Variants in ARL6 observed in about 807,000 individuals in gnomAD.
ARL6 encodes the protein ARF like GTPase 6.
A neutral mutation model predicts 27.1 loss-of-function variants in ARL6; 18 were observed. That is an observed-to-expected ratio of 0.66 (90% CI 0.46 to 0.98). The LOEUF (loss-of-function observed/expected upper bound fraction) is 0.98. Ranked by LOEUF, ARL6 falls within the 50% of genes least tolerant of loss-of-function variation. The pLI is 0.00. For synonymous variants in ARL6, 65 were observed against 72.3 expected (o/e 0.90, Z 0.51); for missense variants, 187 against 214.9 (o/e 0.87, Z 0.81).
At chr3:97,777,130 G>A (rs1421946911) in intron 2 of ARL6, among the ~76,000 whole-genome samples, 1 of 152,184 alleles carries the variant, frequency 6.6e-6, no homozygotes, top group African/African-American at 2.4e-5. Flanking sequence ...TGGATGAGTA[G>A]ATTGATGGAT....
intron 6 of ARL6, 127 bp downstream of exon 6, chr3:97,788,246 G>T: frequency 1.9e-6 from 2 of 1,044,576 alleles, no homozygotes; most frequent in South Asian, 1.6e-5. Flanking sequence ...TAAGGATTTT[G>T]TTTTGTAGAA....
In ARL6 at chr3:97,788,082, T is replaced by G. The variant is rs148745414; in HGVS notation, c.442T>G (p.Cys148Gly). Residue 148 changes from cysteine to glycine, a missense_variant, in exon 6 of 8, where the codon TGT (cysteine) becomes GGT (glycine). Cys to Gly is a radical substitution (Grantham distance 159, BLOSUM62 -3). Transcript: ENST00000463745. ...VTSVKVSQLL[C>G]LENIKDKPWH... The stretch of plus-strand genomic sequence containing the variant: ...ATCTGTAAAAGTGTCTCAGTTGCTG[T>G]GTTTAGAGAACATCAAAGATAAACC... 189 of 1,613,350 alleles carry G rather than the reference T, an allele frequency of 1.2e-4. No individual in the cohort carries two copies. The African/African-American group carries it at 2.3e-3, about 19-fold the overall frequency.
At chr3:97,791,060 AC>A (rs1177527174) in intron 6 of ARL6, among the ~76,000 whole-genome samples, 16 of 152,168 alleles carry the variant, frequency 1.1e-4, no homozygotes, top group African/African-American at 3.6e-4. Flanking sequence ...TTATGATTAT[AC>A]ATAAAATCTC....
intron 4 of ARL6, among the ~76,000 whole-genome samples, chr3:97,781,299 A>T (rs75074437): frequency 6.9e-6 from 1 of 144,936 alleles, no homozygotes; most frequent in African/African-American, 2.6e-5. Context: ...AGCATATGCA[A>T]GTCAAGTGCT....
chr3:97,792,654 G>T (rs1232636502), intron 7 of ARL6, among the ~76,000 whole-genome samples: 1 of 152,086 alleles, frequency 6.6e-6, no homozygotes, highest in Non-Finnish European at 1.5e-5. Context: ...TCATAGATTG[G>T]TACAGGCTTA....
In ARL6 at chr3:97,801,166, T is replaced by G. The variant is rs1049982532; in HGVS notation, c.*3117T>G. 1 of 152,220 alleles carries G rather than the reference T, an allele frequency of 6.6e-6. No individual in the cohort carries two copies. The highest frequency in any genetic ancestry group is 6.5e-5 in the Admixed American group (1 of 15,276). The allele number at this position is 152,220 out of a possible 1,614,324, so 9.4% of individuals were successfully genotyped here. ...TATTTCCTTTGTTCATGAAAATAAA[T>G]GACTGGTATTACAAGGTCACCTAAA... On this transcript the variant is annotated 3_prime_UTR_variant, in exon 8 of 8. Coordinates refer to ENST00000463745, the MANE Select transcript of ARL6 (RefSeq NM_001278293.3).
intron 6 of ARL6, 23 bp from the exon 7 acceptor site, chr3:97,791,748 G>T (rs1183570399): frequency 6.2e-7 from 1 of 1,611,418 alleles, no homozygotes; most frequent in Non-Finnish European, 8.5e-7. Flanking sequence ...AGATGGCTAT[G>T]TTTCTTATGG....
chr3:97,779,218 G>A (rs923962531), intron 2 of ARL6, among the ~76,000 whole-genome samples: 3 of 152,008 alleles, frequency 2.0e-5, no homozygotes, highest in African/African-American at 7.2e-5. Flanking sequence ...AGACATTTAG[G>A]CTTTCTGCAT....
At chr3:97,797,504 C>G (rs1019107099) in intron 7 of ARL6, among the ~76,000 whole-genome samples, 2 of 151,984 alleles carry the variant, frequency 1.3e-5, no homozygotes, top group Non-Finnish European at 2.9e-5. Context: ...TGCCTAGGAG[C>G]AGCATGGGAG....
At chr3:97,792,349 G>T (rs901128238) in intron 7 of ARL6, among the ~76,000 whole-genome samples, 1 of 152,110 alleles carries the variant, frequency 6.6e-6, no homozygotes, top group Non-Finnish European at 1.5e-5. Flanking sequence ...TGGATGTGGT[G>T]GTGTACACCT....
chr3:97,786,637 ATCT>A (rs895441023), intron 5 of ARL6, among the ~76,000 whole-genome samples: 10 of 152,176 alleles, frequency 6.6e-5, no homozygotes, highest in Non-Finnish European at 1.5e-4. Context: ...GCCATAAAAA[ATCT>A]TTGAATAGCA....
chr3:97,793,220 C>G (rs1000580058), intron 7 of ARL6, among the ~76,000 whole-genome samples: 24 of 152,158 alleles, frequency 1.6e-4, no homozygotes, highest in Non-Finnish European at 2.9e-5. Context: ...AAGGAACATT[C>G]AAGTCATATT....
At chr3:97,790,212 A>G (rs1246226453) in intron 6 of ARL6, among the ~76,000 whole-genome samples, 1 of 152,066 alleles carries the variant, frequency 6.6e-6, no homozygotes, top group Non-Finnish European at 1.5e-5. Flanking sequence ...TAAGAGAAAG[A>G]ATAGTGGGAG....
At chr3:97,779,347 G>A (rs1183938891) in intron 2 of ARL6, among the ~76,000 whole-genome samples, 4 of 152,088 alleles carry the variant, frequency 2.6e-5, no homozygotes, top group East Asian at 1.9e-4. Context: ...TCACTCCTGG[G>A]TCAGATGGCC....
At position 97,791,795 on chromosome 3, in the gene ARL6, AG is replaced by A. The variant is rs1402463567; in HGVS notation, c.506del (p.Gly169AlafsTer6). 14 of 1,613,670 alleles carry A rather than the reference AG, an allele frequency of 8.7e-6. No homozygotes were observed. Among genetic ancestry groups the A allele is most frequent in the Admixed American group, 1.7e-5 (1 of 59,998 alleles). The part of the protein sequence containing the change: ...ICASDAIKGE[G>X]LQEGVDWLQD... ...GTGCTAGTGATGCCATAAAAGGAGA[AG>A]GCTTGCAAGAAGGTGTAGACTGGCT... On this transcript the variant is annotated frameshift_variant, in exon 7 of 8. Transcript: ENST00000463745. LOFTEE classifies it high-confidence loss of function.
intron 6 of ARL6, among the ~76,000 whole-genome samples, chr3:97,790,475 T>G (rs1413793405): frequency 6.6e-6 from 1 of 152,068 alleles, no homozygotes; most frequent in Non-Finnish European, 1.5e-5. Context: ...CGCTTTATTC[T>G]TATTTATTTG....
chr3:97,773,210 A>G (rs1416402282), intron 2 of ARL6, among the ~76,000 whole-genome samples: 1 of 152,194 alleles, frequency 6.6e-6, no homozygotes, highest in African/African-American at 2.4e-5. Context: ...GTTCAAGGAC[A>G]GGAAGCATCC....
chr3:97,793,044 G>T (rs1216223446), intron 7 of ARL6, among the ~76,000 whole-genome samples: 1 of 152,042 alleles, frequency 6.6e-6, no homozygotes, highest in Non-Finnish European at 1.5e-5. Context: ...AGAGTAGCCT[G>T]CCTGCTCATA....
In ARL6 at chr3:97,800,677, G is replaced by C. The variant is rs974412390; in HGVS notation, c.*2628G>C. ...TCCATAAATATGTGCAGTTACTCTTGATAATACTTGTCTTATTCATTTCAG... is the reference window on the plus strand; with the variant it reads ...TCCATAAATATGTGCAGTTACTCTTCATAATACTTGTCTTATTCATTTCAG... On this transcript the variant is annotated 3_prime_UTR_variant, in exon 8 of 8. Transcript: ENST00000463745. 1 of 151,998 alleles carries C rather than the reference G, an allele frequency of 6.6e-6. No homozygotes were observed. Among genetic ancestry groups the C allele is most frequent in the Non-Finnish European group, 1.5e-5 (1 of 68,002 alleles). 9.4% of individuals were successfully genotyped at this position (151,998 alleles called of 1,614,324 possible).
Sources: gnomAD v4.1 joint callset for allele counts (sites outside exome capture counted in the v4.1 genomes callset) on GRCh38, gnomAD v4.1.1 for gene constraint, MANE v1.5 for transcripts, NCBI Gene and HGNC (gene_info 2026-07-23, HGNC 2026-07-21) for gene names.